HDGFL3: variants seen among roughly 807,000 people sequenced by gnomAD.
HDGFL3 encodes HDGF like 3.
A neutral mutation model predicts 27.6 loss-of-function variants in HDGFL3; 6 were observed. The observed-to-expected ratio is 0.22, with a 90% confidence interval of 0.12 to 0.43. HDGFL3 has a LOEUF of 0.43. HDGFL3 is among the 20% of genes least tolerant of loss of function. The pLI is 1.00. For missense variants in HDGFL3, 207 were observed against 250.1 expected (o/e 0.83, Z 1.16); for synonymous variants, 88 against 88.9 (o/e 0.99, Z 0.05).
intron 1 of HDGFL3, among the ~76,000 whole-genome samples, chr15:83,168,920 T>C (rs1427773240): frequency 6.6e-6 from 1 of 152,110 alleles, no homozygotes; most frequent in African/African-American, 2.4e-5. Context: ...AAAAAGTTAA[T>C]TCACCATGAT....
In HDGFL3 at chr15:83,190,423, C is replaced by T. The variant is rs375650495; in HGVS notation, c.84+16908G>A. On this transcript the variant is annotated intron_variant, in intron 1 of 5. Transcript: ENST00000299633. ...GGGGTTGGACCAGTATATACTTCTT[C>T]AGTATTGTATAAGAGTTTCTGTTCA... 5.3e-5 allele frequency among the ~76,000 whole-genome samples: 8 copies of T among 152,250 alleles called. No homozygotes were observed. The South Asian group carries it at 6.2e-4, about 12-fold the overall frequency.
intron 5 of HDGFL3, among the ~76,000 whole-genome samples, chr15:83,145,239 C>T (rs2036867400): frequency 6.6e-6 from 1 of 152,086 alleles, no homozygotes; most frequent in Admixed American, 6.6e-5. Flanking sequence ...GAACTCATAT[C>T]CCCAGTCAGC....
chr15:83,169,444 A>AAAAAAAG (rs2037217729), intron 1 of HDGFL3, among the ~76,000 whole-genome samples: 1 of 146,050 alleles, frequency 6.8e-6, no homozygotes, highest in African/African-American at 2.6e-5. Flanking sequence ...AAAAAAAAAA[A>AAAAAAAG]AAAGAAAGAA....
chr15:83,173,099 C>G (rs530203956), intron 1 of HDGFL3, among the ~76,000 whole-genome samples: 1 of 152,296 alleles, frequency 6.6e-6, no homozygotes, highest in East Asian at 1.9e-4. Context: ...CAAACCTTAT[C>G]ATTCTTGACA....
intron 4 of HDGFL3, among the ~76,000 whole-genome samples, chr15:83,151,875 G>GT (rs2036967846): frequency 6.6e-6 from 1 of 152,164 alleles, no homozygotes; most frequent in Non-Finnish European, 1.5e-5. Context: ...TGATAAAACT[G>GT]TTTGATATAA....
intron 3 of HDGFL3, among the ~76,000 whole-genome samples, chr15:83,117,959 C>A (rs897319918): frequency 1.3e-5 from 2 of 151,962 alleles, no homozygotes; most frequent in Non-Finnish European, 2.9e-5. Context: ...GGGGTGACAT[C>A]GTAGCAATAA....
intron 3 of HDGFL3, chr15:83,119,581 G>T: frequency 6.2e-7 from 1 of 1,614,070 alleles, no homozygotes; most frequent in South Asian, 1.1e-5. Context: ...TCTTTAGGGT[G>T]AACCGTATCT....
Position 83,157,581 on chromosome 15 carries a change from A to G in HDGFL3, c.301-8T>C. 1 of 1,605,376 alleles carries G rather than the reference A, an allele frequency of 6.2e-7. No individual in the cohort carries two copies. The highest frequency in any genetic ancestry group is 8.5e-7 in the Non-Finnish European group (1 of 1,176,084). ...GCTCTGTTGCTGAATTGCCTAAGAA[A>G]TAATAAAATATTAGCTGATTACATT... On this transcript the variant is annotated splice_polypyrimidine_tract_variant and splice_region_variant and intron_variant, in intron 3 of 5. Coordinates refer to ENST00000299633, the MANE Select transcript of HDGFL3 (RefSeq NM_016073.4).
At chr15:83,187,884 T>C (rs577102755) in intron 1 of HDGFL3, among the ~76,000 whole-genome samples, 1 of 123,292 alleles carries the variant, frequency 8.1e-6, no homozygotes, top group South Asian at 2.5e-4. Flanking sequence ...CGAAACTCTG[T>C]CTCAAAAAAA....
chr15:83,197,427 C>T (rs1169690562), intron 1 of HDGFL3, among the ~76,000 whole-genome samples: 1 of 152,186 alleles, frequency 6.6e-6, no homozygotes, highest in East Asian at 1.9e-4. Flanking sequence ...TTCCTATCAT[C>T]AATACCAGGT....
At chr15:83,141,281 G>A (rs2036765550) in intron 5 of HDGFL3, among the ~76,000 whole-genome samples, 1 of 152,058 alleles carries the variant, frequency 6.6e-6, no homozygotes, top group South Asian at 2.1e-4. Context: ...CTCTCTGGAG[G>A]TATCTAAATG....
intron 1 of HDGFL3, among the ~76,000 whole-genome samples, chr15:83,191,877 T>C (rs2037513991): frequency 6.6e-6 from 1 of 150,914 alleles, no homozygotes; most frequent in South Asian, 2.1e-4. Flanking sequence ...GTAGCATTAA[T>C]AACATTGTAA....
intron 2 of HDGFL3, among the ~76,000 whole-genome samples, chr15:83,158,814 G>C (rs1337231704): frequency 6.6e-6 from 1 of 152,080 alleles, no homozygotes; most frequent in Non-Finnish European, 1.5e-5. Context: ...GGGCACTACT[G>C]TACCACGTTA....
chr15:83,180,107 T>C (rs1174867516), intron 1 of HDGFL3, among the ~76,000 whole-genome samples: 2 of 149,002 alleles, frequency 1.3e-5, no homozygotes, highest in African/African-American at 5.0e-5. Flanking sequence ...GATTCAATAG[T>C]GGAAAAGGAA....
downstream of HDGFL3, among the ~76,000 whole-genome samples, chr15:83,125,711 C>T (rs552944270): frequency 1.3e-5 from 2 of 152,292 alleles, no homozygotes; most frequent in East Asian, 1.9e-4. Flanking sequence ...CCTGTTGGCG[C>T]GCGTAACAGT....
chr15:83,164,094 G>A lies in HDGFL3; in HGVS notation c.85-19C>T, dbSNP rs763576201. On this transcript the variant is annotated intron_variant, in intron 1 of 5. Transcript: ENST00000299633. ...CATCAATCTATGAAAGATACATTTA[G>A]TTACTGAGTGAGTGGTTATCATAAA... The A allele has an allele frequency of 9.4e-6, 14 of 1,490,968 alleles. No homozygotes were observed. Among genetic ancestry groups the A allele is most frequent in the Middle Eastern group, 1.7e-4 (1 of 5,790 alleles). The allele number at this position is 1,490,968 out of a possible 1,614,324, so 92.4% of individuals were successfully genotyped here.
rs2036701456 is a variant in HDGFL3, at chr15:83,138,526, T to G, written c.*744A>C. 1.3e-5 allele frequency: 2 copies of G among 152,604 alleles called. No homozygotes were observed. The highest frequency in any genetic ancestry group is 4.1e-4 in the South Asian group (2 of 4,826). The allele number at this position is 152,604 out of a possible 1,614,324, so 9.5% of individuals were successfully genotyped here. A position where few individuals can be genotyped will look rare whatever the true frequency, so the allele number is the denominator to read the frequency against. ...TGGTTTCCCATAGGGCTGTTGCTGATTCCAGCTTTAAAATGTAAAGTATCC... is the reference window on the plus strand; with the variant it reads ...TGGTTTCCCATAGGGCTGTTGCTGAGTCCAGCTTTAAAATGTAAAGTATCC... On this transcript the variant is annotated 3_prime_UTR_variant, in exon 6 of 6. Coordinates refer to ENST00000299633, the MANE Select transcript of HDGFL3 (RefSeq NM_016073.4).
At chr15:83,147,685 AG>A (rs1337576544) in intron 5 of HDGFL3, among the ~76,000 whole-genome samples, 2 of 152,232 alleles carry the variant, frequency 1.3e-5, no homozygotes, top group African/African-American at 4.8e-5. Flanking sequence ...CAGAGAAAAA[AG>A]GAAGGACTAT....
intron 1 of HDGFL3, among the ~76,000 whole-genome samples, chr15:83,192,516 A>T (rs1050872804): frequency 6.6e-6 from 1 of 152,196 alleles, no homozygotes; most frequent in African/African-American, 2.4e-5. Flanking sequence ...AAAATAAGAA[A>T]AAAGGCACGA....
Sources: allele counts gnomAD v4.1 joint callset (sites outside exome capture counted in the v4.1 genomes callset), GRCh38; gene constraint gnomAD v4.1.1; transcripts MANE v1.5; gene names NCBI Gene and HGNC (gene_info 2026-07-23, HGNC 2026-07-21).